MTRES1: variants seen among roughly 807,000 people sequenced by gnomAD.
The protein encoded by MTRES1 is mitochondrial transcription rescue factor 1, also known as uncharacterized protein C6orf203.
A neutral mutation model predicts 17.4 loss-of-function variants in MTRES1; 11 were observed. The observed-to-expected ratio is 0.63, with a 90% CI of 0.40 to 1.05. MTRES1 has a LOEUF of 1.05. Ranked by LOEUF, MTRES1 falls within the 50% of genes least tolerant of loss-of-function variation. MTRES1 has a pLI of 0.00. For missense variants in MTRES1, 268 were observed against 276.2 expected, an observed-to-expected ratio of 0.97 and a Z score of 0.21; for synonymous variants, 94 against 99.6, an observed-to-expected ratio of 0.94 and a Z score of 0.34.
intron 3 of MTRES1, among the ~76,000 whole-genome samples, chr6:107,046,749 T>C (rs1205077742): frequency 6.6e-6 from 1 of 152,136 alleles, no homozygotes; most frequent in Non-Finnish European, 1.5e-5. Context: ...TTCTTTGAGC[T>C]GAAAACCAGG....
chr6:107,047,652 A>G (rs1407075587), intron 3 of MTRES1, among the ~76,000 whole-genome samples: 1 of 152,124 alleles, frequency 6.6e-6, no homozygotes, highest in East Asian at 1.9e-4. Context: ...TGGGAGGTCA[A>G]GGCAGGTGGA....
At position 107,051,279 on chromosome 6, in the gene MTRES1, G is replaced by A. The variant is rs782512771; in HGVS notation, c.*43G>A. 1.0e-5 allele frequency: 15 copies of A among 1,481,146 alleles called. No individual in the cohort carries two copies. The highest frequency in any genetic ancestry group is 1.4e-5 in the African/African-American group (1 of 70,782). 91.8% of individuals were successfully genotyped at this position (1,481,146 alleles called of 1,614,324 possible). A position where few individuals can be genotyped will look rare whatever the true frequency, so the allele number is the denominator to read the frequency against. On this transcript the variant is annotated 3_prime_UTR_variant, in exon 4 of 4. Transcript: ENST00000311381. Reference sequence around the variant, plus strand: ...AATAGAGCTGCTTTCTAGTGGTAAAGGAAGGGGTCACCTGAAAAATAGGAC... The same window carrying A: ...AATAGAGCTGCTTTCTAGTGGTAAAAGAAGGGGTCACCTGAAAAATAGGAC...
chr6:107,050,468 A>G lies in MTRES1; in HGVS notation c.544-589A>G, dbSNP rs1774554106. On this transcript the variant is annotated intron_variant, in intron 3 of 3. Coordinates refer to ENST00000311381, the MANE Select transcript of MTRES1 (RefSeq NM_016487.5). Reference sequence around the variant, plus strand: ...ATTTGAGCTACTCTGCGCAGGGACTATCCACAGCCAGCCAGTTGTCTAGTT... The same window carrying G: ...ATTTGAGCTACTCTGCGCAGGGACTGTCCACAGCCAGCCAGTTGTCTAGTT... Among the ~76,000 whole-genome samples, 5 of 149,542 alleles carry G rather than the reference A, an allele frequency of 3.3e-5. No individual in the cohort carries two copies. In the South Asian group the frequency reaches 6.3e-4, roughly 19 times the overall value.
chr6:107,050,856 C>T (rs1367227521), intron 3 of MTRES1, among the ~76,000 whole-genome samples: 1 of 152,132 alleles, frequency 6.6e-6, no homozygotes, highest in African/African-American at 2.4e-5. Flanking sequence ...GGATTACAGG[C>T]GTGAGCCACC....
intron 1 of MTRES1, chr6:107,030,041 G>C: frequency 1.4e-6 from 1 of 716,692 alleles, no homozygotes; most frequent in Non-Finnish European, 2.6e-6. Flanking sequence ...AACTCTACAA[G>C]AATAGGAATC....
intron 1 of MTRES1, among the ~76,000 whole-genome samples, chr6:107,030,877 G>A (rs1773812782): frequency 1.3e-5 from 2 of 152,204 alleles, no homozygotes; most frequent in African/African-American, 4.8e-5. Flanking sequence ...ACAGATGTAC[G>A]AGTCTGGAAT....
intron 3 of MTRES1, among the ~76,000 whole-genome samples, chr6:107,049,724 T>G (rs1159711740): frequency 6.9e-6 from 1 of 145,650 alleles, no homozygotes; most frequent in Non-Finnish European, 1.5e-5. Flanking sequence ...GCCCTTCTTT[T>G]TTTTTTTTTT....
At chr6:107,042,870 T>G (rs1438097506) in intron 2 of MTRES1, among the ~76,000 whole-genome samples, 2 of 152,188 alleles carry the variant, frequency 1.3e-5, no homozygotes, top group Admixed American at 6.6e-5. Context: ...GCTAAAACCT[T>G]TCTTAAGGCT....
chr6:107,051,230 T>G lies in MTRES1; in HGVS notation c.717T>G (p.Ser239=). The change falls in exon 4 of 4, where the codon TCT becomes TCG. Residue 239 remains serine (S), a synonymous_variant. Coordinates refer to ENST00000311381, the MANE Select transcript of MTRES1 (RefSeq NM_016487.5). ...KSLKLPKKRM[S]K ...TAAAGTTGCCTAAGAAGAGAATGTC[T>G]AAATAAATGGATTGCTTTTTAGCAA... The G allele has an allele frequency of 6.2e-7, 1 of 1,611,818 alleles. No homozygotes were observed. Among genetic ancestry groups the G allele is most frequent in the Non-Finnish European group, 8.5e-7 (1 of 1,178,972 alleles).
chr6:107,032,619 G>A (rs1773881859), intron 1 of MTRES1, among the ~76,000 whole-genome samples: 1 of 152,136 alleles, frequency 6.6e-6, no homozygotes, highest in Non-Finnish European at 1.5e-5. Flanking sequence ...GCTGAGGCGG[G>A]AGAATTGCTT....
chr6:107,029,839 C>T (rs1376187672), intron 1 of MTRES1, among the ~76,000 whole-genome samples: 1 of 152,066 alleles, frequency 6.6e-6, no homozygotes, highest in Non-Finnish European at 1.5e-5. Flanking sequence ...CTCTTGGACA[C>T]AAGCGAGTCT....
intron 2 of MTRES1, among the ~76,000 whole-genome samples, chr6:107,043,367 C>G (rs1774284800): frequency 6.6e-6 from 1 of 151,734 alleles, no homozygotes; most frequent in Non-Finnish European, 1.5e-5. Context: ...AAGTGTTTAT[C>G]TCAAACTTGT....
At chr6:107,041,465 T>G (rs1774212536) in intron 2 of MTRES1, among the ~76,000 whole-genome samples, 1 of 152,168 alleles carries the variant, frequency 6.6e-6, no homozygotes, top group South Asian at 2.1e-4. Flanking sequence ...TGTTGGCTAT[T>G]TTGAAGAAAA....
In MTRES1 at chr6:107,040,028, T is replaced by G; in HGVS notation, c.268T>G (p.Ser90Ala). The G allele has an allele frequency of 6.2e-7, 1 of 1,613,126 alleles. No homozygotes were observed. The highest frequency in any genetic ancestry group is 1.3e-5 in the African/African-American group (1 of 74,922). The change falls in exon 2 of 4, where the codon TCT becomes GCT. Residue 90 changes from serine (S) to alanine (A), a missense_variant. Coordinates refer to ENST00000311381, the MANE Select transcript of MTRES1 (RefSeq NM_016487.5). ...FSVRLKSNIR[S>A]TKSTKKSLQK... Reference sequence around the variant, plus strand: ...CGTAAGACTCAAAAGTAATATAAGGTCTACAAAATCTACTAAAAAGTCTCT... The same window carrying G: ...CGTAAGACTCAAAAGTAATATAAGGGCTACAAAATCTACTAAAAAGTCTCT...
chr6:107,050,528 T>TGTATTTGA (rs1774556135), intron 3 of MTRES1, among the ~76,000 whole-genome samples: 1 of 141,980 alleles, frequency 7.0e-6, no homozygotes, highest in Non-Finnish European at 1.5e-5. Context: ...TTGAGGCCCT[T>TGTATTTGA]GTATTTGAGG....
chr6:107,028,787 T>TA (rs1773723667), intron 1 of MTRES1: 1 of 622,604 alleles, frequency 1.6e-6, no homozygotes, highest in Non-Finnish European at 2.0e-6. Flanking sequence ...CTGCTTTTCT[T>TA]ACAGTCTTCG....
intron 1 of MTRES1, chr6:107,028,866 A>G (rs1459734941): frequency 1.2e-5 from 12 of 984,934 alleles, no homozygotes; most frequent in Non-Finnish European, 1.4e-5. Flanking sequence ...TGCCGTGATC[A>G]TCTCTCCACT....
intron 3 of MTRES1, among the ~76,000 whole-genome samples, chr6:107,048,488 A>C (rs1774468427): frequency 6.6e-6 from 1 of 151,748 alleles, no homozygotes; most frequent in South Asian, 2.1e-4. Flanking sequence ...CATTTTAAAA[A>C]ATTGAACCCA....
intron 3 of MTRES1, among the ~76,000 whole-genome samples, chr6:107,050,010 T>C (rs1233710190): frequency 1.3e-5 from 2 of 152,206 alleles, no homozygotes; most frequent in African/African-American, 4.8e-5. Flanking sequence ...TGTGAACCAC[T>C]GTGCTCGGCC....
Sources: gnomAD v4.1 joint callset for allele counts (sites outside exome capture counted in the v4.1 genomes callset) on GRCh38, gnomAD v4.1.1 for gene constraint, MANE v1.5 for transcripts, NCBI Gene and HGNC (gene_info 2026-07-23, HGNC 2026-07-21) for gene names.